The following RAPGEF2 variants were observed in gnomAD, a reference collection of about 807,000 sequenced individuals.
The protein encoded by RAPGEF2 is Rap guanine nucleotide exchange factor 2, also known as PDZ domain containing guanine nucleotide exchange factor (GEF) 1.
RAPGEF2 carries 54 observed loss-of-function variants against 186.7 expected under a neutral mutation model. The observed-to-expected ratio is 0.29, with a 90% confidence interval of 0.23 to 0.36. The LOEUF is 0.36. Among genes scored for constraint, RAPGEF2 ranks in the 10% least tolerant of loss-of-function variants. The pLI, the probability that RAPGEF2 is intolerant of heterozygous loss-of-function variation, is 1.00. For synonymous variants in RAPGEF2, 712 were observed against 705.9 expected (o/e 1.01, Z -0.14); for missense variants, 1,532 against 2,045.0 (o/e 0.75, Z 4.84).
intron 1 of RAPGEF2, among the ~76,000 whole-genome samples, chr4:159,154,989 C>T (rs73860453): frequency 0.025 from 3,741 of 152,236 alleles, 159 homozygotes; most frequent in African/African-American, 0.083. Flanking sequence ...AAGTAGCTTA[C>T]ATGTTTATTA....
rs549377890 is a variant in RAPGEF2 at position 159,119,242 on chromosome 4, T to A, written c.69+15011T>A. Among the ~76,000 whole-genome samples, 23 of 152,276 alleles carry A rather than the reference T, an allele frequency of 1.5e-4. No homozygotes were observed. In the South Asian group the frequency reaches 4.4e-3, roughly 29 times the overall value. ...AAAGAAACTGGCTGAGTCTTCTATT[T>A]AGCAAGCAATGTTAGTCTTCAAAGC... On this transcript the variant is annotated intron_variant, in intron 1 of 29. Coordinates refer to ENST00000691494, the MANE Select transcript of RAPGEF2 (RefSeq NM_001394067.2).
chr4:159,273,946 C>T (rs964201575), intron 7 of RAPGEF2, among the ~76,000 whole-genome samples: 7 of 152,066 alleles, frequency 4.6e-5, no homozygotes, highest in Admixed American at 1.3e-4. Context: ...TGCGTGCCAC[C>T]ACGCCCAGCT....
chr4:159,194,019 A>G (rs1748378356), intron 3 of RAPGEF2, among the ~76,000 whole-genome samples: 1 of 152,254 alleles, frequency 6.6e-6, no homozygotes, highest in South Asian at 2.1e-4. Context: ...ACAAAGCAAA[A>G]TAATTGTGAG....
chr4:159,318,205 G>A (rs938280376), intron 9 of RAPGEF2, among the ~76,000 whole-genome samples: 2 of 152,124 alleles, frequency 1.3e-5, no homozygotes, highest in Non-Finnish European at 2.9e-5. Flanking sequence ...CATTAAACAA[G>A]TCCTAAAGGG....
Position 159,238,823 on chromosome 4 carries a change from C to T in RAPGEF2, c.296C>T (p.Ser99Phe), listed in dbSNP as rs1753608945. Residue 99 changes from serine (S) to phenylalanine (F), a missense_variant, in exon 5 of 30, where the codon TCT (serine) becomes TTT (phenylalanine). Around this residue, in one of 4 missense-constraint regions of RAPGEF2, gnomAD observed 810 missense variants for 1,210.5 expected, o/e 0.67. Coordinates refer to ENST00000691494, the MANE Select transcript of RAPGEF2 (RefSeq NM_001394067.2). Reference protein sequence around the residue: ...FLPRSSFGKRSAGSFRRGCEC... With the variant: ...FLPRSSFGKRFAGSFRRGCEC... ...TTTCTTTCTAGTTTTGGCAAGCGTT[C>T]TGCAGGAAGTTTTAGGCGTGGCTGT... is the stretch of plus-strand genomic sequence containing the variant. 6.6e-7 allele frequency: 1 copy of T among 1,522,806 alleles called. No individual in the cohort carries two copies. The allele number at this position is 1,522,806 out of a possible 1,614,324, so 94.3% of individuals were successfully genotyped here. A position where few individuals can be genotyped will look rare whatever the true frequency, so the allele number is the denominator to read the frequency against.
chr4:159,121,300 CTG>C (rs1198660442), intron 1 of RAPGEF2, among the ~76,000 whole-genome samples: 2 of 152,224 alleles, frequency 1.3e-5, no homozygotes, highest in East Asian at 1.9e-4. Context: ...GTTTTGAACT[CTG>C]TGGATCTACT....
intron 3 of RAPGEF2, among the ~76,000 whole-genome samples, chr4:159,205,952 A>G (rs1749931358): frequency 6.6e-6 from 1 of 151,042 alleles, no homozygotes; most frequent in Admixed American, 6.6e-5. Context: ...TTTTTGAGAC[A>G]GAGTGTCGCC....
In RAPGEF2 at chr4:159,218,854, A is replaced by T. The variant is rs115514077; in HGVS notation, c.281+8271A>T. 7.0e-3 allele frequency among the ~76,000 whole-genome samples: 1,072 copies of T among 152,302 alleles called. 8 individuals carry two copies. The highest frequency in any genetic ancestry group is 0.024 in the African/African-American group (1,008 of 41,554). ...GATGATGGCAGAATTAGTAAGGGCT[A>T]CTAAGTGTGTAAGAACTGCTTACCT... is the stretch of plus-strand genomic sequence containing the variant. On this transcript the variant is annotated intron_variant, in intron 4 of 29. Transcript: ENST00000691494.
At chr4:159,267,710 T>C in intron 7 of RAPGEF2, 1 of 1,003,070 alleles carries the variant, frequency 1.0e-6, no homozygotes, top group Non-Finnish European at 1.2e-6. Context: ...AGCCTGGTTC[T>C]TATACCACCC....
At chr4:159,272,723 A>G (rs1037230012) in intron 7 of RAPGEF2, among the ~76,000 whole-genome samples, 1 of 152,222 alleles carries the variant, frequency 6.6e-6, no homozygotes. Flanking sequence ...GCAGGAAACT[A>G]TAGAAGAATA....
chr4:159,104,458 ATGAC>A (rs151011203), intron 1 of RAPGEF2, among the ~76,000 whole-genome samples: 3 of 139,890 alleles, frequency 2.1e-5, no homozygotes, highest in Non-Finnish European at 4.6e-5. Context: ...TTCCCTCCCC[ATGAC>A]TGACCTTTCC....
At chr4:159,183,712 AAGAC>A (rs1341357670) in intron 1 of RAPGEF2, among the ~76,000 whole-genome samples, 4 of 152,220 alleles carry the variant, frequency 2.6e-5, no homozygotes, top group Non-Finnish European at 4.4e-5. Flanking sequence ...TAATGATAAA[AAGAC>A]AGATAAACCA....
intron 1 of RAPGEF2, among the ~76,000 whole-genome samples, chr4:159,118,379 C>T (rs139015543): frequency 7.8e-4 from 119 of 152,170 alleles, no homozygotes; most frequent in African/African-American, 2.6e-3. Context: ...GCTCAGGGCT[C>T]GTGCTGATTC....
chr4:159,296,562 G>C (rs1036096805), intron 7 of RAPGEF2, among the ~76,000 whole-genome samples: 1 of 152,168 alleles, frequency 6.6e-6, no homozygotes, highest in South Asian at 2.1e-4. Context: ...TTCGCTGTGT[G>C]ATCTTGATGC....
At chr4:159,147,485 A>G (rs945145105) in intron 1 of RAPGEF2, among the ~76,000 whole-genome samples, 41 of 152,286 alleles carry the variant, frequency 2.7e-4, no homozygotes, top group Middle Eastern at 3.4e-3. Flanking sequence ...GTCATACAAT[A>G]TCAAGTGGCA....
intron 4 of RAPGEF2, among the ~76,000 whole-genome samples, chr4:159,213,857 T>C (rs982791402): frequency 3.9e-5 from 6 of 152,176 alleles, no homozygotes; most frequent in Non-Finnish European, 8.8e-5. Flanking sequence ...ATTATGAATG[T>C]TGTTTTTGTG....
intron 25 of RAPGEF2, among the ~76,000 whole-genome samples, chr4:159,349,212 C>T (rs1013199707): frequency 6.6e-6 from 1 of 152,118 alleles, no homozygotes; most frequent in African/African-American, 2.4e-5. Context: ...TGTATTAAAA[C>T]AATATCAGAC....
intron 3 of RAPGEF2, among the ~76,000 whole-genome samples, chr4:159,198,770 G>A (rs1032344028): frequency 6.6e-6 from 1 of 151,954 alleles, no homozygotes; most frequent in African/African-American, 2.4e-5. Context: ...CCAGCAAGAT[G>A]TAACCACCGT....
At chr4:159,305,174 A>G (rs1763134303) in intron 8 of RAPGEF2, among the ~76,000 whole-genome samples, 1 of 152,102 alleles carries the variant, frequency 6.6e-6, no homozygotes, top group Non-Finnish European at 1.5e-5. Context: ...ACAATGATTT[A>G]TTTTCCTTTG....
Sources: gnomAD v4.1 joint callset for allele counts (sites outside exome capture counted in the v4.1 genomes callset) on GRCh38, gnomAD v4.1.1 for gene constraint, gnomAD v4.1.1 regional missense constraint, MANE v1.5 for transcripts, NCBI Gene and HGNC (gene_info 2026-07-23, HGNC 2026-07-21) for gene names.